TRPM8: variants seen among roughly 807,000 people sequenced by gnomAD.
The protein encoded by TRPM8 is transient receptor potential cation channel subfamily M member 8, also known as TRPM8 cationic channel.
A neutral mutation model predicts 133.7 loss-of-function variants in TRPM8; 110 were observed. That is an observed-to-expected ratio of 0.82 (90% CI 0.70 to 0.96). The LOEUF (loss-of-function observed/expected upper bound fraction) is 0.96. Among genes scored for constraint, TRPM8 ranks in the 40% least tolerant of loss-of-function variants. TRPM8 has a pLI of 0.00. For synonymous variants in TRPM8, 535 were observed against 532.3 expected, an observed-to-expected ratio of 1.01 and a Z score of -0.07; for missense variants, 1,291 against 1,379.5, an observed-to-expected ratio of 0.94 and a Z score of 1.02.
chr2:233,970,734 A>G (rs760255435), intron 17 of TRPM8, among the ~76,000 whole-genome samples: 14 of 152,184 alleles, frequency 9.2e-5, no homozygotes, highest in African/African-American at 3.1e-4. Flanking sequence ...CACTGCTGTC[A>G]TCAGGAGTGG....
intron 8 of TRPM8, among the ~76,000 whole-genome samples, 193 bp from the exon 9 acceptor site, chr2:233,949,756 A>C (rs553594060): frequency 1.3e-5 from 2 of 152,370 alleles, no homozygotes; most frequent in East Asian, 3.9e-4. Context: ...GATTTCATAA[A>C]GCAGATTACA....
intron 7 of TRPM8, among the ~76,000 whole-genome samples, 157 bp from the exon 8 acceptor site, chr2:233,946,931 G>A (rs771338499): frequency 1.2e-4 from 18 of 152,300 alleles, no homozygotes; most frequent in East Asian, 5.8e-4. Flanking sequence ...AGACTCATCC[G>A]TCTTTAATGA....
At chr2:233,934,564 C>T (rs1279321113) in intron 3 of TRPM8, among the ~76,000 whole-genome samples, 1 of 152,204 alleles carries the variant, frequency 6.6e-6, no homozygotes, top group African/African-American at 2.4e-5. Context: ...TAGCAGGGAC[C>T]TGCCTCCATG....
chr2:233,920,185 T>G (rs1691380597), intron 1 of TRPM8, among the ~76,000 whole-genome samples: 2 of 152,210 alleles, frequency 1.3e-5, no homozygotes, highest in South Asian at 4.1e-4. Flanking sequence ...GTAGGAACTG[T>G]TGGTCCTTAG....
At chr2:234,006,170 C>T (rs188469095) in intron 22 of TRPM8, among the ~76,000 whole-genome samples, 13 of 152,180 alleles carry the variant, frequency 8.5e-5, no homozygotes, top group African/African-American at 2.9e-4. Context: ...CTCTTGTCCC[C>T]GTGAATTTGT....
chr2:234,007,386 T>C (rs915450422), intron 23 of TRPM8, among the ~76,000 whole-genome samples: 5 of 152,238 alleles, frequency 3.3e-5, no homozygotes, highest in Non-Finnish European at 7.3e-5. Context: ...AAAACCATTT[T>C]GTTGATCTGT....
intron 3 of TRPM8, among the ~76,000 whole-genome samples, chr2:233,936,879 T>C (rs1690755778): frequency 6.7e-6 from 1 of 149,056 alleles, no homozygotes; most frequent in South Asian, 2.1e-4. Flanking sequence ...AACTAGTTTC[T>C]TTCTTTCTTT....
At chr2:233,924,834 T>C (rs1350512533) in intron 1 of TRPM8, among the ~76,000 whole-genome samples, 1 of 152,270 alleles carries the variant, frequency 6.6e-6, no homozygotes, top group Non-Finnish European at 1.5e-5. Flanking sequence ...GGAATCATAG[T>C]GAATACCTTG....
chr2:234,015,674 C>G (rs1349335159), intron 25 of TRPM8, among the ~76,000 whole-genome samples: 1 of 152,128 alleles, frequency 6.6e-6, no homozygotes, highest in Non-Finnish European at 1.5e-5. Flanking sequence ...TTAAAAAGCA[C>G]TGTATTATGG....
At chr2:234,005,308 G>C (rs1692665706) in intron 22 of TRPM8, among the ~76,000 whole-genome samples, 1 of 152,148 alleles carries the variant, frequency 6.6e-6, no homozygotes, top group Non-Finnish European at 1.5e-5. Context: ...TTTCCAGCAT[G>C]GTTAGTGAAA....
At chr2:234,016,009 C>G (rs1407681752) in intron 25 of TRPM8, among the ~76,000 whole-genome samples, 1 of 152,090 alleles carries the variant, frequency 6.6e-6, no homozygotes, top group African/African-American at 2.4e-5. Context: ...ACGCACATCC[C>G]CCTCCTAAAT....
intron 17 of TRPM8, among the ~76,000 whole-genome samples, chr2:233,974,389 A>G (rs932854691): frequency 6.6e-6 from 1 of 152,054 alleles, no homozygotes; most frequent in Non-Finnish European, 1.5e-5. Flanking sequence ...ACGCACCACC[A>G]TGCCCAGCTA....
chr2:234,007,901 A>C (rs758604364), intron 23 of TRPM8, among the ~76,000 whole-genome samples, 169 bp from the exon 24 acceptor site: 1 of 152,222 alleles, frequency 6.6e-6, no homozygotes, highest in Non-Finnish European at 1.5e-5. Flanking sequence ...TTGTTAGGGT[A>C]CTAGGAAGAA....
chr2:233,997,095 T>C lies in TRPM8; in HGVS notation c.3130+579T>C, dbSNP rs552784042. On this transcript the variant is annotated intron_variant, in intron 22 of 25. Coordinates refer to ENST00000324695, the MANE Select transcript of TRPM8 (RefSeq NM_024080.5). ...GCCTGGGCAACACGGTGAAACCCCA[T>C]CTCTACTAAAATACAAAAAAATTAG... 2.3e-4 allele frequency among the ~76,000 whole-genome samples: 35 copies of C among 152,172 alleles called. No individual in the cohort carries two copies. The South Asian group carries it at 6.4e-3, about 28-fold the overall frequency.
rs1270631691 is a variant in TRPM8 at position 233,964,770 on chromosome 2, T to C, written c.1879+13T>C. 5.0e-6 allele frequency: 8 copies of C among 1,592,956 alleles called. No homozygotes were observed. The highest frequency in any genetic ancestry group is 1.7e-5 in the Admixed American group (1 of 59,354). On this transcript the variant is annotated intron_variant, in intron 14 of 25. Coordinates refer to ENST00000324695, the MANE Select transcript of TRPM8 (RefSeq NM_024080.5). ...ACCCGGGCTGTTGGTGAGTCCACAG[T>C]GTGGAATGCTGTGGTGGGCGCGGAT...
intron 14 of TRPM8, among the ~76,000 whole-genome samples, 169 bp downstream of exon 14, chr2:233,964,926 C>G (rs1691529280): frequency 6.6e-6 from 1 of 152,136 alleles, no homozygotes; most frequent in Non-Finnish European, 1.5e-5. Flanking sequence ...CTCCTTGGTC[C>G]TGGCACATAT....
intron 24 of TRPM8, among the ~76,000 whole-genome samples, chr2:234,011,914 CAAAAAAAAA>C (rs869030520): frequency 1.2e-5 from 1 of 81,278 alleles, no homozygotes; most frequent in Admixed American, 1.6e-4. Flanking sequence ...GAGACTGTCT[CAAAAAAAAA>C]AAAAAAAAAA....
At chr2:233,955,911 T>C (rs1007211294) in intron 11 of TRPM8, among the ~76,000 whole-genome samples, 2 of 152,162 alleles carry the variant, frequency 1.3e-5, no homozygotes, top group African/African-American at 4.8e-5. Context: ...TCGATTCCTA[T>C]AGGAGCGTGA....
chr2:233,960,751 T>C (rs367668338), intron 11 of TRPM8, 25 bp from the exon 12 acceptor site: 2 of 1,603,812 alleles, frequency 1.2e-6, no homozygotes, highest in Non-Finnish European at 1.7e-6. Flanking sequence ...GTATTGTTAG[T>C]ACTGTCTCTG....
Sources: gnomAD v4.1 joint callset for allele counts (sites outside exome capture counted in the v4.1 genomes callset) on GRCh38, gnomAD v4.1.1 for gene constraint, MANE v1.5 for transcripts, NCBI Gene and HGNC (gene_info 2026-07-23, HGNC 2026-07-21) for gene names.